SEMA4D: variants seen among roughly 807,000 people sequenced by gnomAD.
The protein encoded by SEMA4D is semaphorin 4D, also known as semaphorin-4D.
In SEMA4D, 22 loss-of-function variants were observed where a neutral mutation model predicts 74.8. The observed-to-expected ratio is 0.29, with a 90% CI of 0.21 to 0.42. The LOEUF (loss-of-function observed/expected upper bound fraction) is 0.42. SEMA4D is among the 10% of genes least tolerant of loss of function. The probability of loss-of-function intolerance (pLI) is 1.00; values close to 1 mark genes in which losing one functional copy is unlikely to be tolerated. For missense variants in SEMA4D, 937 were observed against 1,118.4 expected, an observed-to-expected ratio of 0.84 and a Z score of 2.31; for synonymous variants, 445 against 463.7, an observed-to-expected ratio of 0.96 and a Z score of 0.52.
rs2132622522 is a variant in SEMA4D at position 89,378,302 on chromosome 9, T to C, written c.*402A>G. ...AAGTTACCAATCTGATAAACTAAAATGTCATTTCCAATCTGGAATTAAATA... is the reference window on the plus strand; with the variant it reads ...AAGTTACCAATCTGATAAACTAAAACGTCATTTCCAATCTGGAATTAAATA... On this transcript the variant is annotated 3_prime_UTR_variant, in exon 16 of 16. Transcript: ENST00000422704. The C allele has an allele frequency of 1.2e-5, 2 of 171,140 alleles. No homozygotes were observed. Among genetic ancestry groups the C allele is most frequent in the East Asian group, 1.6e-4 (1 of 6,166 alleles). The allele number at this position is 171,140 out of a possible 1,614,324, so 10.6% of individuals were successfully genotyped here.
At position 89,492,677 on chromosome 9, in the gene SEMA4D, C is replaced by T. The variant is rs1327132529; in HGVS notation, c.-310+5242G>A. Reference sequence around the variant, plus strand: ...ACCCGATCCAAGACTCTTGGGTCATCCTGGACCCCTTGCTTGCTGCAACAG... The same window carrying T: ...ACCCGATCCAAGACTCTTGGGTCATTCTGGACCCCTTGCTTGCTGCAACAG... On this transcript the variant is annotated intron_variant, in intron 1 of 15. Coordinates refer to ENST00000422704, the MANE Select transcript of SEMA4D (RefSeq NM_001371194.2). The surrounding 1 kb of genome is among the most constrained non-coding windows in gnomAD (Gnocchi z 4.3). Among the ~76,000 whole-genome samples the T allele has an allele frequency of 6.6e-6, 1 of 152,186 alleles. No homozygotes were observed. Among genetic ancestry groups the T allele is most frequent in the Non-Finnish European group, 1.5e-5 (1 of 68,020 alleles).
At chr9:89,488,233 G>GT in intron 1 of SEMA4D, among the ~76,000 whole-genome samples, 1 of 151,346 alleles carries the variant, frequency 6.6e-6, no homozygotes, top group East Asian at 2.0e-4. Flanking sequence ...GAAGAGGCTT[G>GT]CTGTTGTTGT....
chr9:89,414,414 G>A (rs1228980978), intron 2 of SEMA4D, among the ~76,000 whole-genome samples: 2 of 152,156 alleles, frequency 1.3e-5, no homozygotes, highest in East Asian at 1.9e-4. Context: ...TGGAGGACAC[G>A]CACTCACCAC....
At chr9:89,370,673 G>A (rs895357943) in intron 16 of SEMA4D, among the ~76,000 whole-genome samples, 2 of 149,924 alleles carry the variant, frequency 1.3e-5, no homozygotes, top group Non-Finnish European at 3.0e-5. Flanking sequence ...ATGCTCATGT[G>A]TGGTGTGTGT....
intron 2 of SEMA4D, among the ~76,000 whole-genome samples, chr9:89,430,080 C>T (rs1192951098): frequency 6.6e-6 from 1 of 151,846 alleles, no homozygotes; most frequent in Non-Finnish European, 1.5e-5. Flanking sequence ...GGAGGACGGG[C>T]CTCAGGCTGG....
chr9:89,437,879 G>C (rs922058554), intron 2 of SEMA4D, among the ~76,000 whole-genome samples: 8 of 152,208 alleles, frequency 5.3e-5, no homozygotes, highest in Admixed American at 3.3e-4. Flanking sequence ...CAGATACCAA[G>C]TCTAAAATTC....
chr9:89,465,106 T>C (rs1281340364), intron 1 of SEMA4D, among the ~76,000 whole-genome samples: 4 of 152,118 alleles, frequency 2.6e-5, no homozygotes, highest in African/African-American at 4.8e-5. Flanking sequence ...TTTCCACATA[T>C]CACCCAAGAG....
At chr9:89,438,512 G>A (rs946713322) in intron 2 of SEMA4D, among the ~76,000 whole-genome samples, 2 of 152,184 alleles carry the variant, frequency 1.3e-5, no homozygotes, top group Non-Finnish European at 2.9e-5. Flanking sequence ...AGTACATCAC[G>A]GGCTGAAAGC....
rs1029132210 is a variant in SEMA4D at position 89,492,737 on chromosome 9, G to A, written c.-310+5182C>T. Among the ~76,000 whole-genome samples, 8 of 152,128 alleles carry A rather than the reference G, an allele frequency of 5.3e-5. No homozygotes were observed. Among genetic ancestry groups the A allele is most frequent in the African/African-American group, 1.4e-4 (6 of 41,422 alleles). On this transcript the variant is annotated intron_variant, in intron 1 of 15. Transcript: ENST00000422704. The surrounding 1 kb of genome is among the most constrained non-coding windows in gnomAD (Gnocchi z 4.3). The stretch of plus-strand genomic sequence containing the variant: ...GATCCATCACAGTCCTGTTGGCTCC[G>A]TCTTCGCAGAACACCTGCAATCAGC...
At chr9:89,413,194 T>C (rs1293767960) in intron 2 of SEMA4D, among the ~76,000 whole-genome samples, 4 of 152,192 alleles carry the variant, frequency 2.6e-5, no homozygotes, top group African/African-American at 9.7e-5. Context: ...TTGTGAAATG[T>C]CACTCTCATT....
At chr9:89,459,890 TAA>T (rs1159027511) in intron 1 of SEMA4D, among the ~76,000 whole-genome samples, 3 of 152,186 alleles carry the variant, frequency 2.0e-5, no homozygotes, top group Non-Finnish European at 4.4e-5. Context: ...CTATTCTGTG[TAA>T]AACTCTGGGT....
chr9:89,377,261 T>C lies in SEMA4D; in HGVS notation c.*1443A>G. The C allele has an allele frequency of 1.5e-6, 1 of 668,144 alleles. No homozygotes were observed. Among genetic ancestry groups the C allele is most frequent in the South Asian group, 3.4e-5 (1 of 29,060 alleles). The allele number at this position is 668,144 out of a possible 1,614,324, so 41.4% of individuals were successfully genotyped here. A position where few individuals can be genotyped will look rare whatever the true frequency, so the allele number is the denominator to read the frequency against. ...CAAGGATAGAAGCTTCTCATTTATT[T>C]GGGTACTTTCCAAATGTATACAATT... On this transcript the variant is annotated 3_prime_UTR_variant, in exon 16 of 16. Coordinates refer to ENST00000422704, the MANE Select transcript of SEMA4D (RefSeq NM_001371194.2).
intron 2 of SEMA4D, among the ~76,000 whole-genome samples, chr9:89,421,508 C>T (rs562345610): frequency 5.8e-4 from 88 of 152,294 alleles, no homozygotes; most frequent in African/African-American, 2.1e-3. Flanking sequence ...TATGGATATA[C>T]CCCATGTGTG....
downstream of SEMA4D, chr9:89,377,060 CAGAG>C (rs1463467588): frequency 9.2e-6 from 14 of 1,527,038 alleles, no homozygotes; most frequent in Non-Finnish European, 9.7e-6. Flanking sequence ...GGCTGTGAGA[CAGAG>C]AGGACAGAAA....
intron 2 of SEMA4D, among the ~76,000 whole-genome samples, chr9:89,441,248 C>T (rs897485542): frequency 2.0e-5 from 3 of 152,282 alleles, no homozygotes; most frequent in African/African-American, 7.2e-5. Context: ...CCTTGGCCTC[C>T]GCTTCCACAC....
At chr9:89,428,979 C>T (rs1369397388) in intron 2 of SEMA4D, among the ~76,000 whole-genome samples, 1 of 152,218 alleles carries the variant, frequency 6.6e-6, no homozygotes, top group African/African-American at 2.4e-5. Context: ...AGAAGACAGA[C>T]AGGATGGACC....
chr9:89,454,005 C>T (rs1855307811), intron 2 of SEMA4D, among the ~76,000 whole-genome samples: 1 of 152,040 alleles, frequency 6.6e-6, no homozygotes. Flanking sequence ...CTACAGGCGC[C>T]CGCCACCACG....
chr9:89,386,544 C>T, intron 12 of SEMA4D, 62 bp from the exon 13 acceptor site: 1 of 1,089,418 alleles, frequency 9.2e-7, no homozygotes, highest in South Asian at 1.3e-5. Context: ...AGGACAGTGA[C>T]CACAGCGGCA....
intron 1 of SEMA4D, among the ~76,000 whole-genome samples, chr9:89,475,763 G>A (rs1327299829): frequency 2.6e-5 from 4 of 152,194 alleles, no homozygotes; most frequent in Non-Finnish European, 2.9e-5. Context: ...AGGCACACGG[G>A]AGGCCAATGT....
Sources: gnomAD v4.1 joint callset for allele counts (sites outside exome capture counted in the v4.1 genomes callset) on GRCh38, gnomAD v4.1.1 for gene constraint, Gnocchi (gnomAD v3.1) non-coding constraint, MANE v1.5 for transcripts, NCBI Gene and HGNC (gene_info 2026-07-23, HGNC 2026-07-21) for gene names.